VAMP4: variants seen among roughly 807,000 people sequenced by gnomAD.
VAMP4 encodes vesicle-associated membrane protein 4.
VAMP4 carries 19 observed loss-of-function variants against 23.5 expected under a neutral mutation model. The ratio of observed to expected loss-of-function variants is 0.81; its 90% CI spans 0.56 to 1.19. VAMP4 has a LOEUF of 1.19. Among genes scored for constraint, VAMP4 ranks in the 50% most tolerant of loss-of-function variants. The pLI, the probability that VAMP4 is intolerant of heterozygous loss-of-function variation, is 0.00. For synonymous variants in VAMP4, 31 were observed against 51.0 expected (o/e 0.61, Z 1.67); for missense variants, 145 against 168.6 (o/e 0.86, Z 0.78).
At chr1:171,708,879 A>C (rs1264037002) in intron 6 of VAMP4, among the ~76,000 whole-genome samples, 1 of 145,586 alleles carries the variant, frequency 6.9e-6, no homozygotes, top group Non-Finnish European at 1.5e-5. Context: ...TCTCAAAGAA[A>C]AAAAAAAAAA....
At chr1:171,709,892 C>T in intron 5 of VAMP4, 148 bp from the exon 6 acceptor site, 1 of 607,730 alleles carries the variant, frequency 1.6e-6, no homozygotes, top group Non-Finnish European at 2.8e-6. Flanking sequence ...TTTTTTCCAC[C>T]CACAAACTCT....
intron 1 of VAMP4, among the ~76,000 whole-genome samples, chr1:171,740,012 G>C (rs1232534776): frequency 6.6e-6 from 1 of 152,150 alleles, no homozygotes; most frequent in Admixed American, 6.5e-5. Flanking sequence ...CAGAAATACT[G>C]AATGTTTTAC....
intron 4 of VAMP4, among the ~76,000 whole-genome samples, chr1:171,712,244 A>C (rs1479038658): frequency 1.3e-5 from 2 of 152,100 alleles, no homozygotes; most frequent in Non-Finnish European, 1.5e-5. Flanking sequence ...GGGCTTTAAA[A>C]ATTTTTTACA....
chr1:171,741,151 A>G (rs1271170305), intron 1 of VAMP4, among the ~76,000 whole-genome samples: 1 of 152,202 alleles, frequency 6.6e-6, no homozygotes, highest in Non-Finnish European at 1.5e-5. Context: ...ATTCACTCAA[A>G]TGAGTCACAT....
At chr1:171,741,843 G>A (rs560642197) in intron 1 of VAMP4, 67 bp downstream of exon 1, 2 of 152,108 alleles carry the variant, frequency 1.3e-5, no homozygotes, top group Non-Finnish European at 1.5e-5. Flanking sequence ...GCAAGGCAGG[G>A]GCGTCTTCTT....
chr1:171,719,307 A>G, intron 3 of VAMP4, 86 bp from the exon 4 acceptor site: 5 of 1,173,468 alleles, frequency 4.3e-6, no homozygotes, highest in African/African-American at 1.6e-5. Context: ...ACACAAATAC[A>G]AACAATCAAG....
intron 3 of VAMP4, among the ~76,000 whole-genome samples, chr1:171,721,756 G>A (rs1655201049): frequency 6.6e-6 from 1 of 152,130 alleles, no homozygotes; most frequent in Admixed American, 6.6e-5. Context: ...AATAAAAGAG[G>A]ACACAAACAA....
intron 4 of VAMP4, among the ~76,000 whole-genome samples, chr1:171,716,517 A>G (rs1323538731): frequency 6.6e-6 from 1 of 150,966 alleles, no homozygotes; most frequent in East Asian, 1.9e-4. Flanking sequence ...ATGTAGACAT[A>G]TGAATATTTA....
chr1:171,707,298 G>T (rs906487600), intron 6 of VAMP4, among the ~76,000 whole-genome samples: 9 of 152,090 alleles, frequency 5.9e-5, no homozygotes, highest in African/African-American at 1.9e-4. Flanking sequence ...ACTTTACAAA[G>T]AATAAAACTT....
intron 4 of VAMP4, 83 bp from the exon 5 acceptor site, chr1:171,710,897 G>A: frequency 1.1e-6 from 1 of 944,860 alleles, no homozygotes; most frequent in African/African-American, 1.7e-5. Flanking sequence ...ACATAATAAA[G>A]AATAGCAAAT....
In VAMP4 at chr1:171,726,046, A is replaced by G. The variant is rs1175881836; in HGVS notation, c.113+2478T>C. On this transcript the variant is annotated intron_variant, in intron 3 of 7. Coordinates refer to ENST00000236192, the MANE Select transcript of VAMP4 (RefSeq NM_003762.5). Reference sequence around the variant, plus strand: ...TTGGAAAAAAACCCAGCCTCAACAAAAAAAGTCACATTTTTTTTTGGGGGG... The same window carrying G: ...TTGGAAAAAAACCCAGCCTCAACAAGAAAAGTCACATTTTTTTTTGGGGGG... Among the ~76,000 whole-genome samples the G allele has an allele frequency of 2.6e-5, 4 of 151,288 alleles. 1 individual carries two copies. Among genetic ancestry groups the G allele is most frequent in the Middle Eastern group, 7.0e-3 (2 of 286 alleles).
At chr1:171,708,894 AAG>A in intron 6 of VAMP4, among the ~76,000 whole-genome samples, 1 of 150,568 alleles carries the variant, frequency 6.6e-6, no homozygotes. Flanking sequence ...AAAAAAAAAA[AAG>A]GAGAGTTATT....
At position 171,703,423 on chromosome 1, in the gene VAMP4, GTGTATA is replaced by G. The variant is rs1295032829; in HGVS notation, c.*1077_*1082del. 137 of 81,904 alleles carry G rather than the reference GTGTATA, an allele frequency of 1.7e-3. 1 individual carries two copies. Among genetic ancestry groups the G allele is most frequent in the East Asian group, 4.5e-3 (12 of 2,658 alleles). 5.1% of individuals were successfully genotyped at this position (81,904 alleles called of 1,614,324 possible). On this transcript the variant is annotated 3_prime_UTR_variant, in exon 8 of 8. Transcript: ENST00000236192. The stretch of plus-strand genomic sequence containing the variant: ...TGTGTGTGTGTGTGTGTGTGTTTGT[GTGTATA>G]TATATATATATATATATATATATAT...
intron 1 of VAMP4, among the ~76,000 whole-genome samples, chr1:171,739,194 C>T (rs899677925): frequency 2.6e-5 from 4 of 152,130 alleles, no homozygotes; most frequent in South Asian, 2.1e-4. Flanking sequence ...GACTTTACAG[C>T]CCCACCCCCT....
At chr1:171,735,116 C>T (rs1371451055) in intron 2 of VAMP4, among the ~76,000 whole-genome samples, 2 of 152,098 alleles carry the variant, frequency 1.3e-5, no homozygotes, top group Non-Finnish European at 1.5e-5. Context: ...TATATCACGC[C>T]TGGACTTGAT....
intron 1 of VAMP4, among the ~76,000 whole-genome samples, chr1:171,741,589 C>G (rs533993750): frequency 6.6e-6 from 1 of 152,006 alleles, no homozygotes; most frequent in Admixed American, 6.5e-5. Flanking sequence ...ATTGTACCCC[C>G]TGGAATTCCT....
chr1:171,732,427 T>G (rs988717524), intron 2 of VAMP4, among the ~76,000 whole-genome samples: 2 of 151,904 alleles, frequency 1.3e-5, no homozygotes, highest in African/African-American at 4.8e-5. Flanking sequence ...GTCCTAGCTA[T>G]TCAGCAGGCT....
chr1:171,704,468 G>C lies in VAMP4; in HGVS notation c.*38C>G. On this transcript the variant is annotated 3_prime_UTR_variant, in exon 8 of 8. Coordinates refer to ENST00000236192, the MANE Select transcript of VAMP4 (RefSeq NM_003762.5). ...AATTATGCAGCAATCTTTTATTACT[G>C]TCCCAGATCTTGTTTAATGAAGATC... 1 of 1,541,890 alleles carries C rather than the reference G, an allele frequency of 6.5e-7. No individual in the cohort carries two copies. Among genetic ancestry groups the C allele is most frequent in the Non-Finnish European group, 8.8e-7 (1 of 1,136,364 alleles).
chr1:171,734,584 T>C (rs1399174459), intron 2 of VAMP4, among the ~76,000 whole-genome samples: 1 of 152,148 alleles, frequency 6.6e-6, no homozygotes, highest in African/African-American at 2.4e-5. Flanking sequence ...ACACTTTAAG[T>C]GGGTGAATTG....
Sources: gnomAD v4.1 joint callset for allele counts (sites outside exome capture counted in the v4.1 genomes callset) on GRCh38, gnomAD v4.1.1 for gene constraint, MANE v1.5 for transcripts, NCBI Gene and HGNC (gene_info 2026-07-23, HGNC 2026-07-21) for gene names.